The following MYO5C variants were observed in gnomAD, a reference collection of about 807,000 sequenced individuals.
The protein encoded by MYO5C is unconventional myosin-Vc.
MYO5C carries 194 observed loss-of-function variants against 235.7 expected under a neutral mutation model. The ratio of observed to expected loss-of-function variants is 0.82; its 90% CI spans 0.73 to 0.93. MYO5C has a LOEUF of 0.93. MYO5C is among the 40% of genes least tolerant of loss of function. The pLI, the probability that MYO5C is intolerant of heterozygous loss-of-function variation, is 0.00. For missense variants in MYO5C, 2,038 were observed against 2,127.2 expected (o/e 0.96, Z 0.82); for synonymous variants, 707 against 754.8 (o/e 0.94, Z 1.04).
chr15:52,201,235 A>G (rs2035180608), intron 38 of MYO5C, among the ~76,000 whole-genome samples: 1 of 152,228 alleles, frequency 6.6e-6, no homozygotes. Flanking sequence ...CAGACACATC[A>G]CAAACTATGG....
At chr15:52,275,457 T>G in intron 5 of MYO5C, 105 bp downstream of exon 5, 3 of 1,408,294 alleles carry the variant, frequency 2.1e-6, no homozygotes, top group Middle Eastern at 1.8e-4. Context: ...CCTCACTTCT[T>G]TAGTCTTTAA....
intron 20 of MYO5C, among the ~76,000 whole-genome samples, chr15:52,240,999 GA>G (rs1683282412): frequency 6.6e-6 from 1 of 152,076 alleles, no homozygotes; most frequent in South Asian, 2.1e-4. Context: ...CTCCTTGAAA[GA>G]AAGAAAATTA....
At chr15:52,280,334 G>T (rs1184890197) in intron 2 of MYO5C, among the ~76,000 whole-genome samples, 3 of 152,128 alleles carry the variant, frequency 2.0e-5, no homozygotes, top group Non-Finnish European at 2.9e-5. Flanking sequence ...CTCAGCCCTG[G>T]GCCAAGGAAT....
At position 52,223,633 on chromosome 15, in the gene MYO5C, T is replaced by G; in HGVS notation, c.3538A>C (p.Ile1180Leu). ...CTGAATAACTTCTGCAGGTGGTTGA[T>G]TTCTTGACTGAGATGCACCACTTTG... ...NFKVVHLSQE[I>L]NHLQKLFREE... is the part of the protein sequence containing the mutation. Residue 1180 changes from isoleucine to leucine, a missense_variant, in exon 29 of 41, where the codon ATC becomes CTC. Physicochemically the swap from Ile to Leu is conservative, Grantham distance 5 (BLOSUM62 2). Coordinates refer to ENST00000261839, the MANE Select transcript of MYO5C (RefSeq NM_018728.4). The G allele has an allele frequency of 6.2e-7, 1 of 1,614,224 alleles. No individual in the cohort carries two copies. Among genetic ancestry groups the G allele is most frequent in the South Asian group, 1.1e-5 (1 of 91,080 alleles).
chr15:52,266,676 C>G (rs908987840), intron 8 of MYO5C, among the ~76,000 whole-genome samples: 7 of 152,190 alleles, frequency 4.6e-5, no homozygotes, highest in Non-Finnish European at 1.0e-4. Flanking sequence ...CGAGGTCACA[C>G]TGGGTAAGGT....
intron 33 of MYO5C, 58 bp downstream of exon 33, chr15:52,214,545 A>T (rs1029263212): frequency 8.2e-7 from 1 of 1,215,460 alleles, no homozygotes; most frequent in South Asian, 1.4e-5. Context: ...GAAAATAAAC[A>T]CTTGAGCGCA....
chr15:52,295,493 C>T (rs1205721717), intron 1 of MYO5C, 117 bp downstream of exon 1: 59 of 1,226,538 alleles, frequency 4.8e-5, no homozygotes, highest in Non-Finnish European at 6.3e-5. Context: ...CGCGCCCGCC[C>T]GCCCTGCCGT....
At chr15:52,235,346 C>T (rs566920783) in intron 23 of MYO5C, among the ~76,000 whole-genome samples, 1 of 152,298 alleles carries the variant, frequency 6.6e-6, no homozygotes, top group South Asian at 2.1e-4. Flanking sequence ...CACGAATGCG[C>T]ACACACAGAC....
In MYO5C at chr15:52,272,642, T is replaced by A. The variant is rs765138030; in HGVS notation, c.688A>T (p.Asn230Tyr). The change falls in exon 6 of 41, where the codon AAT becomes TAT. Residue 230 changes from asparagine (N) to tyrosine (Y), a missense_variant. Transcript: ENST00000261839. ...KYTEISFDEQ[N>Y]QIIGANMSTY... ...CTCATGTTGGCTCCTATAATTTGATTTTGTTCATCAAAACTGATTTCTGTG... is the reference window on the plus strand; with the variant it reads ...CTCATGTTGGCTCCTATAATTTGATATTGTTCATCAAAACTGATTTCTGTG... 3.1e-6 allele frequency: 5 copies of A among 1,614,162 alleles called. No homozygotes were observed. In the South Asian group the frequency reaches 3.3e-5, roughly 11 times the overall value.
Position 52,193,314 on chromosome 15 carries a change from C to CAAAA in MYO5C, c.*584_*587dup, listed in dbSNP as rs5812588. On this transcript the variant is annotated 3_prime_UTR_variant, in exon 41 of 41. Coordinates refer to ENST00000261839, the MANE Select transcript of MYO5C (RefSeq NM_018728.4). Reference sequence around the variant, plus strand: ...GCGATAGAGCGAGACTCCGGAGTCTCAAAAAAAAAAAAAAAAAAAAATTTA... The same window carrying CAAAA: ...GCGATAGAGCGAGACTCCGGAGTCTCAAAAAAAAAAAAAAAAAAAAAAAAATTTA... 1 of 104,842 alleles carries CAAAA rather than the reference C, an allele frequency of 9.5e-6. No homozygotes were observed. 6.5% of individuals were successfully genotyped at this position (104,842 alleles called of 1,614,324 possible).
intron 4 of MYO5C, chr15:52,277,918 A>G (rs1454327082): frequency 2.2e-6 from 1 of 456,036 alleles, no homozygotes; most frequent in South Asian, 1.5e-5. Flanking sequence ...AGTCCAGCTC[A>G]CAGACGAAGA....
rs750036358 is a variant in MYO5C, at chr15:52,229,274, A to G, written c.3066T>C (p.Tyr1022=). 1 of 1,614,176 alleles carries G rather than the reference A, an allele frequency of 6.2e-7. No homozygotes were observed. Among genetic ancestry groups the G allele is most frequent in the Non-Finnish European group, 8.5e-7 (1 of 1,180,040 alleles). The part of the protein sequence containing the change: ...EKSFELKTQD[Y]EKQIQSLKEE... ...CTTTCAAAGACTGAATCTGCTTCTC[A>G]TAGTCTTGTGTTTTCAGTTCAAAAC... Residue 1022 remains tyrosine (Y), a synonymous_variant, in exon 25 of 41, where the codon TAT becomes TAC. Coordinates refer to ENST00000261839, the MANE Select transcript of MYO5C (RefSeq NM_018728.4).
At position 52,256,630 on chromosome 15, in the gene MYO5C, G is replaced by T. The variant is rs2140816110; in HGVS notation, c.1395+9C>A. 3.8e-6 allele frequency: 6 copies of T among 1,581,000 alleles called. No homozygotes were observed. The highest frequency in any genetic ancestry group is 5.2e-6 in the Non-Finnish European group (6 of 1,161,582). On this transcript the variant is annotated intron_variant, in intron 11 of 40. Coordinates refer to ENST00000261839, the MANE Select transcript of MYO5C (RefSeq NM_018728.4). ...GAGAACTAGTCAAGAAGGCAGAAAG[G>T]TCACCTACCATGTTAAACTGTTGTT...
chr15:52,203,854 T>C (rs1228723213), intron 38 of MYO5C, among the ~76,000 whole-genome samples: 1 of 152,182 alleles, frequency 6.6e-6, no homozygotes, highest in Non-Finnish European at 1.5e-5. Context: ...TTTTAATTTC[T>C]AGCTCCCACA....
chr15:52,237,549 T>C lies in MYO5C; in HGVS notation c.2801A>G (p.Glu934Gly). ...EKIQKLEAEL[E>G]KAATHRRNYE... ...ATTTCGCCTGTGAGTGGCTGCTTTT[T>C]CTAGTTCTGCTTCCAGCTTCTGAAT... Residue 934 changes from glutamate to glycine, a missense_variant, in exon 22 of 41, where the codon GAA becomes GGA. By Grantham distance (98) the Glu-to-Gly change is moderately conservative (BLOSUM62 -2). Coordinates refer to ENST00000261839, the MANE Select transcript of MYO5C (RefSeq NM_018728.4). The C allele has an allele frequency of 6.2e-7, 1 of 1,614,206 alleles. No individual in the cohort carries two copies. The highest frequency in any genetic ancestry group is 8.5e-7 in the Non-Finnish European group (1 of 1,180,038).
chr15:52,287,459 C>A (rs372554161), intron 1 of MYO5C, among the ~76,000 whole-genome samples: 1 of 152,272 alleles, frequency 6.6e-6, no homozygotes, highest in Non-Finnish European at 1.5e-5. Context: ...ATAAGAGACA[C>A]CTGAGAGTTG....
At chr15:52,230,254 A>G (rs1038432227) in intron 24 of MYO5C, among the ~76,000 whole-genome samples, 1 of 152,260 alleles carries the variant, frequency 6.6e-6, no homozygotes, top group Non-Finnish European at 1.5e-5. Flanking sequence ...GGGCCCTTGA[A>G]GCAGTGCCAG....
At chr15:52,293,832 G>T (rs2037445004) in intron 1 of MYO5C, among the ~76,000 whole-genome samples, 1 of 152,172 alleles carries the variant, frequency 6.6e-6, no homozygotes, top group Non-Finnish European at 1.5e-5. Context: ...CACCACCCTT[G>T]ATTCTGCCAG....
rs780231478 is a variant in MYO5C at position 52,195,424 on chromosome 15, C to T, written c.5029G>A (p.Asp1677Asn). The change falls in exon 40 of 41, where the codon GAT (aspartate) becomes AAT (asparagine). Residue 1677 changes from aspartate to asparagine, a missense_variant. Transcript: ENST00000261839. ...IKILNSYTPI[D>N]DFEKRVTPSF... ...GGAGTCACTCTCTTCTCAAAGTCAT[C>T]TATAGGTGTGTATGAATTAAGGATC... 2.7e-5 allele frequency: 43 copies of T among 1,613,194 alleles called. No individual in the cohort carries two copies. The highest frequency in any genetic ancestry group is 3.6e-5 in the Non-Finnish European group (43 of 1,179,602).
Sources: allele counts gnomAD v4.1 joint callset (sites outside exome capture counted in the v4.1 genomes callset), GRCh38; gene constraint gnomAD v4.1.1; transcripts MANE v1.5; gene names NCBI Gene and HGNC (gene_info 2026-07-23, HGNC 2026-07-21).